The following CSMD1 variants were observed in gnomAD, a reference collection of about 807,000 sequenced individuals.
CSMD1 encodes CUB and Sushi multiple domains 1.
CSMD1 carries 213 observed loss-of-function variants against 417.5 expected under a neutral mutation model. That is an observed-to-expected ratio of 0.51 (90% CI 0.46 to 0.57). The LOEUF is 0.57. Ranked by LOEUF, CSMD1 falls within the 20% of genes least tolerant of loss-of-function variation. The pLI is 0.00. For synonymous variants in CSMD1, 2,862 were observed against 1,736.8 expected (o/e 1.65, Z -16.11); for missense variants, 6,923 against 4,529.7 (o/e 1.53, Z -15.17).
intron 7 of CSMD1, among the ~76,000 whole-genome samples, chr8:3,663,567 A>T (rs988158551): frequency 6.6e-6 from 1 of 152,190 alleles, no homozygotes; most frequent in African/African-American, 2.4e-5. Context: ...CTCCAACTCT[A>T]TTCAAAGCCA....
intron 1 of CSMD1, among the ~76,000 whole-genome samples, chr8:4,837,974 A>G (rs1051418771): frequency 6.6e-6 from 1 of 152,314 alleles, no homozygotes; most frequent in South Asian, 2.1e-4. Flanking sequence ...ATTGCCTGTG[A>G]AGCCAGCAGG....
At chr8:4,072,743 C>A (rs1024379086) in intron 3 of CSMD1, among the ~76,000 whole-genome samples, 1 of 152,136 alleles carries the variant, frequency 6.6e-6, no homozygotes, top group African/African-American at 2.4e-5. Flanking sequence ...ACAACTTTTG[C>A]CTTACTCTCT....
At chr8:4,733,732 C>G (rs1393332511) in intron 1 of CSMD1, among the ~76,000 whole-genome samples, 1 of 152,122 alleles carries the variant, frequency 6.6e-6, no homozygotes, top group African/African-American at 2.4e-5. Flanking sequence ...TATGTAGGAA[C>G]CCATGAAAGT....
At chr8:4,109,535 GTTTTCAGGCAAAAT>G (rs1307823069) in intron 3 of CSMD1, among the ~76,000 whole-genome samples, 2 of 152,266 alleles carry the variant, frequency 1.3e-5, no homozygotes, top group East Asian at 3.9e-4. Flanking sequence ...AGTCACTGAA[GTTTTCAGGCAAAAT>G]TGACCATCAT....
intron 7 of CSMD1, among the ~76,000 whole-genome samples, chr8:3,685,145 C>T (rs1799882211): frequency 1.3e-5 from 2 of 152,120 alleles, no homozygotes; most frequent in Non-Finnish European, 2.9e-5. Flanking sequence ...GTTTTGATGT[C>T]ATCATTTCAG....
chr8:4,160,069 C>G (rs935237223), intron 3 of CSMD1, among the ~76,000 whole-genome samples: 3 of 148,842 alleles, frequency 2.0e-5, no homozygotes, highest in Non-Finnish European at 4.4e-5. Flanking sequence ...CACCTGTTCT[C>G]CAAAAGTATG....
chr8:3,076,212 G>C (rs987400248), intron 49 of CSMD1, among the ~76,000 whole-genome samples: 1 of 148,212 alleles, frequency 6.7e-6, no homozygotes, highest in African/African-American at 2.5e-5. Context: ...TGTCGGCGGG[G>C]CTGGTTCTGC....
chr8:3,148,975 A>G (rs1056439093), intron 40 of CSMD1, among the ~76,000 whole-genome samples: 1 of 152,234 alleles, frequency 6.6e-6, no homozygotes, highest in Non-Finnish European at 1.5e-5. Context: ...GATTTGAGAT[A>G]AAGTTTCTTT....
chr8:4,174,684 GA>G (rs1194128226), intron 3 of CSMD1, among the ~76,000 whole-genome samples: 1 of 121,398 alleles, frequency 8.2e-6, no homozygotes, highest in Admixed American at 8.7e-5. Flanking sequence ...CATGCTCAAA[GA>G]AAAAAGGTGT....
At chr8:3,791,747 TG>T (rs1334128240) in intron 5 of CSMD1, among the ~76,000 whole-genome samples, 1 of 152,064 alleles carries the variant, frequency 6.6e-6, no homozygotes, top group Non-Finnish European at 1.5e-5. Flanking sequence ...CGCTTGAGCC[TG>T]GGAGGTGGAA....
At chr8:3,771,066 G>T (rs188147016) in intron 5 of CSMD1, among the ~76,000 whole-genome samples, 1 of 151,916 alleles carries the variant, frequency 6.6e-6, no homozygotes, top group East Asian at 1.9e-4. Flanking sequence ...CATGTCTGTG[G>T]TGGACAATAG....
chr8:3,058,511 T>A (rs1726556785), intron 49 of CSMD1, among the ~76,000 whole-genome samples: 1 of 152,200 alleles, frequency 6.6e-6, no homozygotes, highest in South Asian at 2.1e-4. Context: ...GACAAATGGT[T>A]TAATCGCAAC....
At chr8:4,042,022 T>C (rs575515160) in intron 3 of CSMD1, among the ~76,000 whole-genome samples, 1 of 151,820 alleles carries the variant, frequency 6.6e-6, no homozygotes, top group Non-Finnish European at 1.5e-5. Context: ...GCACAGAGAA[T>C]CAATGAACTT....
At chr8:3,521,935 A>C (rs1008192891) in intron 10 of CSMD1, among the ~76,000 whole-genome samples, 17 of 152,206 alleles carry the variant, frequency 1.1e-4, no homozygotes, top group Non-Finnish European at 2.1e-4. Context: ...ATCCATATTC[A>C]TCACATATTG....
rs1271224540 is a variant in CSMD1 at position 2,962,639 on chromosome 8, G to C, written c.9455C>G (p.Pro3152Arg). Residue 3152 changes from proline to arginine, a missense_variant and splice_region_variant, in exon 61 of 70, where the codon CCT becomes CGT. Coordinates refer to ENST00000635120, the MANE Select transcript of CSMD1 (RefSeq NM_033225.6). ...VWKGEIPQCL[P>R]VFCGDPGIPA... ...GATGCCAGGGTCTCCGCAGAACACAGCTATGGAAGATAACCAGGAAGAAGT... is the reference window on the plus strand; with the variant it reads ...GATGCCAGGGTCTCCGCAGAACACACCTATGGAAGATAACCAGGAAGAAGT... 1.9e-6 allele frequency: 3 copies of C among 1,612,824 alleles called. No individual in the cohort carries two copies. The highest frequency in any genetic ancestry group is 1.7e-6 in the Non-Finnish European group (2 of 1,179,212).
In CSMD1 at chr8:3,694,881, G is replaced by A. The variant is rs934392527; in HGVS notation, c.1009+13533C>T. 2.0e-5 allele frequency among the ~76,000 whole-genome samples: 3 copies of A among 151,990 alleles called. No homozygotes were observed. The East Asian group carries it at 5.8e-4, about 29-fold the overall frequency. ...ATCCTAAAGACCATAGAAACCTGCT[G>A]GATTCATTCTGGGTGTGAGGGGAAA... On this transcript the variant is annotated intron_variant, in intron 7 of 69. Coordinates refer to ENST00000635120, the MANE Select transcript of CSMD1 (RefSeq NM_033225.6).
At chr8:3,249,354 C>T (rs1187680060) in intron 26 of CSMD1, among the ~76,000 whole-genome samples, 1 of 152,046 alleles carries the variant, frequency 6.6e-6, no homozygotes, top group Non-Finnish European at 1.5e-5. Context: ...ACCCGAGGAG[C>T]TGCGACTACA....
At position 4,916,716 on chromosome 8, in the gene CSMD1, C is replaced by A. The variant is rs1220992871; in HGVS notation, c.85+77616G>T. ...TTTAATGAATTGTAAGGCACCATAACTATTGTGATATCGCAAAGAATAAAT... is the reference window on the plus strand; with the variant it reads ...TTTAATGAATTGTAAGGCACCATAAATATTGTGATATCGCAAAGAATAAAT... On this transcript the variant is annotated intron_variant, in intron 1 of 69. Coordinates refer to ENST00000635120, the MANE Select transcript of CSMD1 (RefSeq NM_033225.6). 2.6e-5 allele frequency among the ~76,000 whole-genome samples: 4 copies of A among 152,304 alleles called. No homozygotes were observed. The East Asian group carries it at 7.7e-4, about 29-fold the overall frequency.
chr8:3,910,142 T>C (rs992766842), intron 5 of CSMD1, among the ~76,000 whole-genome samples: 2 of 152,216 alleles, frequency 1.3e-5, no homozygotes, highest in African/African-American at 4.8e-5. Flanking sequence ...TGAGCTTTTC[T>C]TACAACTTAT....
Sources: allele counts gnomAD v4.1 joint callset (sites outside exome capture counted in the v4.1 genomes callset), GRCh38; gene constraint gnomAD v4.1.1; transcripts MANE v1.5; gene names NCBI Gene and HGNC (gene_info 2026-07-23, HGNC 2026-07-21).